TMC5: variants seen among roughly 807,000 people sequenced by gnomAD.
The protein encoded by TMC5 is transmembrane channel like 5, also known as transmembrane channel-like protein 5.
TMC5 carries 86 observed loss-of-function variants against 110.5 expected under a neutral mutation model. That is an observed-to-expected ratio of 0.78 (90% CI 0.65 to 0.93). The LOEUF is 0.93. TMC5 is among the 40% of genes least tolerant of loss of function. The pLI is 0.00. For missense variants in TMC5, 1,144 were observed against 1,222.8 expected, an observed-to-expected ratio of 0.94 and a Z score of 0.96; for synonymous variants, 455 against 439.5, an observed-to-expected ratio of 1.04 and a Z score of -0.44.
intron 2 of TMC5, among the ~76,000 whole-genome samples, chr16:19,435,114 G>A (rs998134410): frequency 6.6e-6 from 1 of 152,100 alleles, no homozygotes; most frequent in South Asian, 2.1e-4. Context: ...AAACCCTACC[G>A]CTTTTTTCAA....
intron 2 of TMC5, among the ~76,000 whole-genome samples, chr16:19,431,491 G>A (rs1305308147): frequency 6.6e-6 from 1 of 151,314 alleles, no homozygotes; most frequent in Admixed American, 6.6e-5. Context: ...GCTGTGAGCC[G>A]AGATCGTGCC....
intron 4 of TMC5, among the ~76,000 whole-genome samples, chr16:19,448,641 T>G (rs1967672647): frequency 6.8e-6 from 1 of 146,064 alleles, no homozygotes; most frequent in South Asian, 2.1e-4. Flanking sequence ...AATATATATA[T>G]TTAATGTAAT....
chr16:19,493,675 G>A (rs1001234048), intron 19 of TMC5, among the ~76,000 whole-genome samples: 35 of 152,032 alleles, frequency 2.3e-4, no homozygotes, highest in African/African-American at 8.2e-4. Flanking sequence ...TGACTAGGCT[G>A]GTCTCAAACT....
chr16:19,434,081 A>C (rs1439127531), intron 2 of TMC5, among the ~76,000 whole-genome samples: 5 of 3,906 alleles, frequency 1.3e-3, no homozygotes, highest in African/African-American at 3.8e-3. Context: ...ATTATATATA[A>C]TATATATATA....
intron 6 of TMC5, chr16:19,462,524 G>T: frequency 1.4e-6 from 1 of 702,068 alleles, no homozygotes; most frequent in South Asian, 1.5e-5. Flanking sequence ...TCACAATCAC[G>T]ACAGAGGACG....
At chr16:19,481,100 C>T (rs1315581314) in intron 14 of TMC5, among the ~76,000 whole-genome samples, 1 of 152,052 alleles carries the variant, frequency 6.6e-6, no homozygotes, top group African/African-American at 2.4e-5. Context: ...TTTAAATGTT[C>T]AGGGTAACAA....
intron 9 of TMC5, among the ~76,000 whole-genome samples, chr16:19,466,700 A>G (rs1292824592): frequency 6.6e-6 from 1 of 152,210 alleles, no homozygotes; most frequent in African/African-American, 2.4e-5. Context: ...GTCCTGCAAT[A>G]TAAAAATAGG....
intron 5 of TMC5, among the ~76,000 whole-genome samples, chr16:19,454,460 G>C (rs1252931091): frequency 6.6e-6 from 1 of 152,164 alleles, no homozygotes; most frequent in Non-Finnish European, 1.5e-5. Context: ...TCTACTGCTT[G>C]CTGGTTTTGT....
chr16:19,438,306 C>T (rs561878706), intron 2 of TMC5, among the ~76,000 whole-genome samples: 6 of 140,882 alleles, frequency 4.3e-5, no homozygotes, highest in African/African-American at 1.6e-4. Context: ...ATGGGAGGAT[C>T]GCTTGAGTCC....
chr16:19,460,107 G>T, intron 5 of TMC5, 128 bp from the exon 6 acceptor site: 3 of 563,992 alleles, frequency 5.3e-6, no homozygotes, highest in South Asian at 3.2e-5. Flanking sequence ...TTTCCTTTGT[G>T]ATCTTTGAGA....
intron 15 of TMC5, 78 bp downstream of exon 15, chr16:19,481,543 G>A (rs1367828607): frequency 1.9e-6 from 2 of 1,078,162 alleles, no homozygotes; most frequent in Admixed American, 1.7e-5. Context: ...CAAAGTCCCA[G>A]AATCTGTTGT....
At chr16:19,488,036 A>G (rs74772097) in intron 17 of TMC5, 1 of 152,638 alleles carries the variant, frequency 6.6e-6, no homozygotes, top group Non-Finnish European at 1.5e-5. Flanking sequence ...GTTGTCTGGC[A>G]CCTGGCCCTG....
intron 15 of TMC5, among the ~76,000 whole-genome samples, chr16:19,484,208 A>G (rs551594924): frequency 1.8e-4 from 27 of 152,280 alleles, no homozygotes; most frequent in South Asian, 4.1e-4. Flanking sequence ...CTGACTCTTT[A>G]AAGTTGCCCT....
chr16:19,457,427 G>A (rs1967906548), intron 5 of TMC5, among the ~76,000 whole-genome samples: 1 of 152,118 alleles, frequency 6.6e-6, no homozygotes. Flanking sequence ...TGGAAGGGCG[G>A]AAGGTTTTGT....
intron 4 of TMC5, among the ~76,000 whole-genome samples, chr16:19,448,698 A>ATATTAT (rs35625035): frequency 0.071 from 10,179 of 144,234 alleles, 738 homozygotes; most frequent in African/African-American, 0.19. Flanking sequence ...TAGATAATAT[A>ATATTAT]TATATTTTAA....
chr16:19,456,635 G>C, intron 5 of TMC5: 1 of 1,542,998 alleles, frequency 6.5e-7, no homozygotes, highest in Non-Finnish European at 8.7e-7. Context: ...CCCAATCAAT[G>C]CGGGTGTGAC....
intron 2 of TMC5, among the ~76,000 whole-genome samples, chr16:19,434,463 TATAG>T (rs370245128): frequency 8.6e-4 from 55 of 63,946 alleles, no homozygotes; most frequent in Middle Eastern, 7.4e-3. Flanking sequence ...TATCTATATC[TATAG>T]ATAGATAGAT....
chr16:19,487,137 G>T, intron 16 of TMC5, 56 bp from the exon 17 acceptor site: 1 of 1,604,206 alleles, frequency 6.2e-7, no homozygotes, highest in Non-Finnish European at 8.5e-7. Context: ...CCTGGCTGGG[G>T]TCCCTCTGCC....
intron 11 of TMC5, among the ~76,000 whole-genome samples, chr16:19,473,745 C>T (rs145549683): frequency 3.7e-4 from 56 of 152,206 alleles, no homozygotes; most frequent in African/African-American, 1.3e-3. Context: ...CTTGGGAGGC[C>T]GAGGTGGATG....
Sources: gnomAD v4.1 joint callset for allele counts (sites outside exome capture counted in the v4.1 genomes callset) on GRCh38, gnomAD v4.1.1 for gene constraint, MANE v1.5 for transcripts, NCBI Gene and HGNC (gene_info 2026-07-23, HGNC 2026-07-21) for gene names.